The following SPAG16 variants were observed in gnomAD, a reference collection of about 807,000 sequenced individuals.
SPAG16 encodes the protein sperm associated antigen 16, also known as sperm-associated antigen 16 protein.
SPAG16 carries 86 observed loss-of-function variants against 80.4 expected under a neutral mutation model. The ratio of observed to expected loss-of-function variants is 1.07; its 90% CI spans 0.90 to 1.28. SPAG16 has a LOEUF of 1.28. Among genes scored for constraint, SPAG16 ranks in the 50% most tolerant of loss-of-function variants. The pLI is 0.00. For missense variants in SPAG16, 870 were observed against 765.3 expected, an observed-to-expected ratio of 1.14 and a Z score of -1.61; for synonymous variants, 294 against 265.9, an observed-to-expected ratio of 1.11 and a Z score of -1.03.
At chr2:214,190,148 G>A (rs947544533) in intron 15 of SPAG16, among the ~76,000 whole-genome samples, 1 of 152,016 alleles carries the variant, frequency 6.6e-6, no homozygotes, top group African/African-American at 2.4e-5. Context: ...ATACTACAAT[G>A]TTACTAGAAT....
At chr2:214,091,360 A>G (rs1195379447) in intron 13 of SPAG16, among the ~76,000 whole-genome samples, 1 of 152,154 alleles carries the variant, frequency 6.6e-6, no homozygotes, top group Non-Finnish European at 1.5e-5. Flanking sequence ...CAACTTACCA[A>G]GCTGGGAAAG....
At chr2:214,164,242 T>C (rs1239237397) in intron 15 of SPAG16, among the ~76,000 whole-genome samples, 1 of 152,162 alleles carries the variant, frequency 6.6e-6, no homozygotes, top group African/African-American at 2.4e-5. Flanking sequence ...GATAAATAGC[T>C]ACCGAAATTA....
intron 11 of SPAG16, among the ~76,000 whole-genome samples, chr2:213,903,485 C>A (rs761045938): frequency 2.6e-5 from 4 of 152,136 alleles, no homozygotes; most frequent in African/African-American, 9.7e-5. Context: ...CCCTTTCATC[C>A]GCAGCTGGAA....
intron 9 of SPAG16, among the ~76,000 whole-genome samples, chr2:213,420,797 T>C (rs1250136378): frequency 2.0e-5 from 3 of 152,222 alleles, no homozygotes; most frequent in Non-Finnish European, 4.4e-5. Flanking sequence ...TTTAAAAAAT[T>C]AATCACTCTT....
intron 15 of SPAG16, among the ~76,000 whole-genome samples, chr2:214,354,958 G>A (rs910939659): frequency 6.6e-6 from 1 of 152,046 alleles, no homozygotes; most frequent in Non-Finnish European, 1.5e-5. Context: ...GGGACAATTT[G>A]ACTTCCTCTT....
intron 15 of SPAG16, among the ~76,000 whole-genome samples, chr2:214,166,865 G>GA (rs1330970332): frequency 1.3e-5 from 2 of 152,218 alleles, no homozygotes; most frequent in Admixed American, 1.3e-4. Flanking sequence ...ACATGAAAGA[G>GA]AAAAAATGAA....
Position 213,350,846 on chromosome 2 carries a change from A to G in SPAG16, c.762+201A>G, listed in dbSNP as rs2065284820. 2.6e-5 allele frequency among the ~76,000 whole-genome samples: 4 copies of G among 152,248 alleles called. No homozygotes were observed. In the South Asian group the frequency reaches 6.2e-4, roughly 24 times the overall value. On this transcript the variant is annotated intron_variant, in intron 7 of 15. Transcript: ENST00000331683. The stretch of plus-strand genomic sequence containing the variant: ...ATAAAGATTATTATAAAATTAGGCC[A>G]GGGGCAGTGGCTCATGCCTGTAATC...
At chr2:213,647,680 G>A (rs1016961985) in intron 10 of SPAG16, among the ~76,000 whole-genome samples, 2 of 152,174 alleles carry the variant, frequency 1.3e-5, no homozygotes, top group African/African-American at 4.8e-5. Flanking sequence ...AGGTCAGCCA[G>A]ACCAGAAACT....
intron 9 of SPAG16, among the ~76,000 whole-genome samples, chr2:213,391,929 T>C (rs1036599853): frequency 2.0e-5 from 3 of 152,204 alleles, no homozygotes; most frequent in African/African-American, 7.2e-5. Context: ...GATGTTCCAA[T>C]GTTTGCATGT....
chr2:213,353,450 C>A (rs974817394), intron 7 of SPAG16, among the ~76,000 whole-genome samples: 1 of 152,186 alleles, frequency 6.6e-6, no homozygotes, highest in Admixed American at 6.5e-5. Flanking sequence ...TCAACATGAC[C>A]TGGAGAGTAG....
Position 213,310,045 on chromosome 2 carries a change from C to T in SPAG16, c.280-14C>T, listed in dbSNP as rs369460697. On this transcript the variant is annotated splice_polypyrimidine_tract_variant and intron_variant, in intron 3 of 15. Coordinates refer to ENST00000331683, the MANE Select transcript of SPAG16 (RefSeq NM_024532.5). ...GATGTTTTCAGAATAAATAAATGCA[C>T]GTTTAAATTTCAGGAACGGAAAACA... 1.5e-4 allele frequency: 232 copies of T among 1,506,696 alleles called. No individual in the cohort carries two copies. Among genetic ancestry groups the T allele is most frequent in the Non-Finnish European group, 2.0e-4 (214 of 1,088,920 alleles). The allele number at this position is 1,506,696 out of a possible 1,614,324, so 93.3% of individuals were successfully genotyped here. A position where few individuals can be genotyped will look rare whatever the true frequency, so the allele number is the denominator to read the frequency against.
intron 15 of SPAG16, among the ~76,000 whole-genome samples, chr2:214,269,679 AG>A (rs1249569975): frequency 6.6e-6 from 1 of 152,082 alleles, no homozygotes; most frequent in Admixed American, 6.6e-5. Flanking sequence ...TATTGGAAGG[AG>A]GGGGTGGTGA....
chr2:214,200,058 T>C (rs1183619275), intron 15 of SPAG16, among the ~76,000 whole-genome samples: 1 of 152,170 alleles, frequency 6.6e-6, no homozygotes, highest in Non-Finnish European at 1.5e-5. Context: ...AGCAACAGTT[T>C]GTCTTCCTCT....
intron 10 of SPAG16, among the ~76,000 whole-genome samples, chr2:213,826,702 A>T (rs1275895350): frequency 1.3e-5 from 2 of 152,042 alleles, no homozygotes; most frequent in Non-Finnish European, 2.9e-5. Context: ...TGATGAAAGA[A>T]TGTGTATTCT....
intron 10 of SPAG16, among the ~76,000 whole-genome samples, chr2:213,692,233 A>G (rs1205668177): frequency 6.6e-6 from 1 of 152,214 alleles, no homozygotes; most frequent in Non-Finnish European, 1.5e-5. Flanking sequence ...AATAATTTAA[A>G]CAAAATTTAA....
chr2:213,960,395 G>T (rs1316859030), intron 12 of SPAG16, among the ~76,000 whole-genome samples: 2 of 149,266 alleles, frequency 1.3e-5, no homozygotes, highest in South Asian at 2.1e-4. Context: ...CTGTTTGTTT[G>T]TTTTTTTTTC....
chr2:213,540,348 C>G (rs1441509804), intron 10 of SPAG16, among the ~76,000 whole-genome samples: 2 of 152,060 alleles, frequency 1.3e-5, no homozygotes, highest in Non-Finnish European at 2.9e-5. Flanking sequence ...CCATGCCCGG[C>G]CCAAAAACAA....
chr2:214,310,756 T>C (rs895772228), intron 15 of SPAG16, among the ~76,000 whole-genome samples: 23 of 152,190 alleles, frequency 1.5e-4, no homozygotes, highest in African/African-American at 5.1e-4. Context: ...GTCCTTTATC[T>C]CCAGGCCACA....
Position 213,296,138 on chromosome 2 carries a change from CT to C in SPAG16, c.183+29del, listed in dbSNP as rs1437121605. 3.3e-6 allele frequency: 5 copies of C among 1,499,550 alleles called. No individual in the cohort carries two copies. In the Admixed American group the frequency reaches 8.5e-5, roughly 26 times the overall value. The allele number at this position is 1,499,550 out of a possible 1,614,324, so 92.9% of individuals were successfully genotyped here. The stretch of plus-strand genomic sequence containing the variant: ...AACATGTTAATTTTAGGTGTTTATT[CT>C]GTAAATTTATTGCAGTCATTCTCAT... On this transcript the variant is annotated intron_variant, in intron 2 of 15. Transcript: ENST00000331683.
Sources: gnomAD v4.1 joint callset for allele counts (sites outside exome capture counted in the v4.1 genomes callset) on GRCh38, gnomAD v4.1.1 for gene constraint, MANE v1.5 for transcripts, NCBI Gene and HGNC (gene_info 2026-07-23, HGNC 2026-07-21) for gene names.